Variants in NDRG2 observed in about 807,000 individuals in gnomAD.
NDRG2 encodes protein NDRG2.
Under a neutral mutation model 58.2 loss-of-function variants are expected in NDRG2, and 34 were observed. The observed-to-expected ratio is 0.58, with a 90% CI of 0.44 to 0.78. The LOEUF (loss-of-function observed/expected upper bound fraction) is 0.78. Ranked by LOEUF, NDRG2 falls within the 30% of genes least tolerant of loss-of-function variation. The pLI is 0.00. For synonymous variants in NDRG2, 187 were observed against 175.9 expected (o/e 1.06, Z -0.50); for missense variants, 434 against 471.2 (o/e 0.92, Z 0.73).
At position 21,043,424 on chromosome 14, in the gene NDRG2, AT is replaced by A. The variant is rs769237323; in HGVS notation, c.25-20104del. The A allele has an allele frequency of 4.0e-5, 64 of 1,609,474 alleles. 1 individual carries two copies. The East Asian group carries it at 1.4e-3, about 35-fold the overall frequency. ...CTCCCCAGAAAAAGGACTCTCAGCA[AT>A]TCCACCTGGTTCCTGTACACTTGGA... On this transcript the variant is annotated intron_variant, in intron 1 of 14. Transcript: ENST00000403829.
intron 1 of NDRG2, chr14:21,058,372 G>A (rs923858905): frequency 8.4e-6 from 13 of 1,554,732 alleles, no homozygotes; most frequent in East Asian, 2.2e-5. Context: ...TGGTGCCCAC[G>A]TTCCACCTCA....
At chr14:21,063,238 G>T (rs1183690097) in intron 1 of NDRG2, among the ~76,000 whole-genome samples, 1 of 152,158 alleles carries the variant, frequency 6.6e-6, no homozygotes, top group African/African-American at 2.4e-5. Flanking sequence ...GTGTATGTGT[G>T]TGTGTGTATA....
chr14:21,020,008 G>C (rs1239599633), intron 8 of NDRG2, 32 bp from the exon 9 acceptor site: 2 of 1,605,400 alleles, frequency 1.2e-6, no homozygotes, highest in Admixed American at 1.7e-5. Flanking sequence ...GAAAGTTCAG[G>C]GTATTGGCCA....
chr14:21,038,257 T>C (rs1006692559), intron 1 of NDRG2, among the ~76,000 whole-genome samples: 1 of 152,220 alleles, frequency 6.6e-6, no homozygotes, highest in African/African-American at 2.4e-5. Flanking sequence ...CTTCTAAAAG[T>C]TGAATCAGTT....
At position 21,069,159 on chromosome 14, in the gene NDRG2, G is replaced by C. The variant is rs571342608; in HGVS notation, c.24+1669C>G. Among the ~76,000 whole-genome samples, 26 of 152,380 alleles carry C rather than the reference G, an allele frequency of 1.7e-4. No individual in the cohort carries two copies. In the South Asian group the frequency reaches 5.4e-3, roughly 32 times the overall value. ...CTTCCCGGTGCCTGCTCAGAGGCCA[G>C]GCAGGGCATCTCCCCGCCGTGCCCG... On this transcript the variant is annotated intron_variant, in intron 1 of 14. Coordinates refer to the NDRG2 transcript ENST00000403829.
chr14:21,058,466 C>A, intron 1 of NDRG2: 1 of 759,750 alleles, frequency 1.3e-6, no homozygotes, highest in Non-Finnish European at 2.1e-6. Flanking sequence ...CCATTTCCCT[C>A]CCACACACTC....
upstream of NDRG2, chr14:21,030,248 G>T: frequency 4.0e-6 from 1 of 251,542 alleles, no homozygotes; most frequent in Non-Finnish European, 7.7e-6. Context: ...CCACATATCT[G>T]CACACACTTA....
At chr14:21,036,174 T>C (rs2139098652) in intron 1 of NDRG2, 1 of 456,300 alleles carries the variant, frequency 2.2e-6, no homozygotes, top group Non-Finnish European at 4.4e-6. Context: ...TCTCTTCCAT[T>C]CTTATTTCTT....
intron 1 of NDRG2, among the ~76,000 whole-genome samples, chr14:21,042,641 G>A (rs542393862): frequency 2.0e-5 from 3 of 152,244 alleles, no homozygotes; most frequent in East Asian, 1.9e-4. Context: ...GAACACAGAC[G>A]AGATGGGAAT....
At chr14:21,034,311 G>A in intron 1 of NDRG2, 2 of 1,579,612 alleles carry the variant, frequency 1.3e-6, no homozygotes, top group Non-Finnish European at 1.7e-6. Context: ...TAGAGTTAAG[G>A]TGGTTGGGGG....
At position 21,024,709 on chromosome 14, in the gene NDRG2, G is replaced by C. The variant is rs1448812075; in HGVS notation, c.-686C>G. On this transcript the variant is annotated 5_prime_UTR_variant, in exon 1 of 16. Coordinates refer to ENST00000556147, the MANE Select transcript of NDRG2 (RefSeq NM_001320329.2). Reference sequence around the variant, plus strand: ...GGCAAGCGCCATCGGGAAGGGATGGGTAGGACAGAGGAGACCGGCCGGGCC... The same window carrying C: ...GGCAAGCGCCATCGGGAAGGGATGGCTAGGACAGAGGAGACCGGCCGGGCC... 4 of 985,352 alleles carry C rather than the reference G, an allele frequency of 4.1e-6. No homozygotes were observed. 61.0% of individuals were successfully genotyped at this position (985,352 alleles called of 1,614,324 possible).
At chr14:21,032,018 A>C (rs1424619524) in intron 1 of NDRG2, 2 of 1,614,180 alleles carry the variant, frequency 1.2e-6, no homozygotes, top group Non-Finnish European at 1.7e-6. Flanking sequence ...GATGACTGAC[A>C]ACACAGGCTA....
intron 1 of NDRG2, among the ~76,000 whole-genome samples, chr14:21,049,233 A>C (rs1195347005): frequency 6.6e-6 from 1 of 152,104 alleles, no homozygotes. Flanking sequence ...AAGGCTTACT[A>C]TCCCCTCACT....
chr14:21,067,278 G>A (rs1210328114), intron 1 of NDRG2, among the ~76,000 whole-genome samples: 1 of 71,268 alleles, frequency 1.4e-5, no homozygotes, highest in Non-Finnish European at 3.7e-5. Context: ...CTAGAAAAAG[G>A]TAGGTTTTTT....
chr14:21,063,717 G>A (rs962698978), intron 1 of NDRG2, among the ~76,000 whole-genome samples: 2 of 152,172 alleles, frequency 1.3e-5, no homozygotes, highest in Admixed American at 6.5e-5. Flanking sequence ...AACAGGCACA[G>A]GTTATGTCTT....
At chr14:21,025,617 G>T, upstream of NDRG2, 1 of 985,524 alleles carries the variant, frequency 1.0e-6, no homozygotes, top group South Asian at 4.7e-5. The surrounding 1 kb of genome is among the most constrained non-coding windows in gnomAD (Gnocchi z 5.1). Flanking sequence ...CCGAAAGGGG[G>T]CACGGGGGAA....
intron 1 of NDRG2, chr14:21,035,665 G>T (rs763890748): frequency 2.4e-6 from 1 of 421,390 alleles, no homozygotes; most frequent in Admixed American, 2.5e-5. Context: ...GAGTAAGGCC[G>T]CAGAGAGAAA....
intron 1 of NDRG2, chr14:21,042,489 G>A (rs1310393250): frequency 6.0e-6 from 1 of 167,156 alleles, no homozygotes; most frequent in Non-Finnish European, 1.3e-5. Flanking sequence ...AGAGAAGGAG[G>A]GATGGGTTCT....
In NDRG2 at chr14:21,018,463, G is replaced by A. The variant is rs754951467; in HGVS notation, c.855C>T (p.Phe285=). The A allele has an allele frequency of 1.9e-6, 3 of 1,614,054 alleles. No homozygotes were observed. The highest frequency in any genetic ancestry group is 2.5e-6 in the Non-Finnish European group (3 of 1,179,980). ...CCAGGAACAGGTTACTGACCTTGAG[G>A]AACGAGGTCTGGGTGGGGTCCAGTT... ...NSKLDPTQTS[F]LKMADSGGQP... The change falls in exon 13 of 16, where the codon TTC becomes TTT. Residue 285 remains phenylalanine, a synonymous_variant. Coordinates refer to ENST00000556147, the MANE Select transcript of NDRG2 (RefSeq NM_001320329.2).
Sources: gnomAD v4.1 joint callset for allele counts (sites outside exome capture counted in the v4.1 genomes callset) on GRCh38, gnomAD v4.1.1 for gene constraint, Gnocchi (gnomAD v3.1) non-coding constraint, MANE v1.5 for transcripts, NCBI Gene and HGNC (gene_info 2026-07-23, HGNC 2026-07-21) for gene names.